The following CNOT2 variants were observed in gnomAD, a reference collection of about 807,000 sequenced individuals.
The protein encoded by CNOT2 is CCR4-NOT transcription complex subunit 2.
A neutral mutation model predicts 72.1 loss-of-function variants in CNOT2; 7 were observed. The ratio of observed to expected loss-of-function variants is 0.10; its 90% CI spans 0.06 to 0.18. CNOT2 has a LOEUF of 0.18. CNOT2 is among the 10% of genes least tolerant of loss of function. The pLI, the probability that CNOT2 is intolerant of heterozygous loss-of-function variation, is 1.00. For synonymous variants in CNOT2, 196 were observed against 225.6 expected (o/e 0.87, Z 1.17); for missense variants, 345 against 660.3 (o/e 0.52, Z 5.23).
intron 2 of CNOT2, among the ~76,000 whole-genome samples, chr12:70,291,008 G>GA (rs996292979): frequency 7.2e-5 from 11 of 152,084 alleles, no homozygotes; most frequent in African/African-American, 2.7e-4. Context: ...CATTTAGAAT[G>GA]AAAAATAAAA....
chr12:70,313,007 A>T (rs1313484231), intron 3 of CNOT2, among the ~76,000 whole-genome samples: 1 of 152,032 alleles, frequency 6.6e-6, no homozygotes, highest in Admixed American at 6.6e-5. Context: ...CATATTTTCC[A>T]TCAAAAAGTT....
chr12:70,245,520 T>G lies in CNOT2; in HGVS notation c.-96+2040T>G, dbSNP rs561917600. ...TTTTTCTAAGTATACAATGTAGAGATATCTGTAACCTAATCTGATCTCAGG... is the reference window on the plus strand; with the variant it reads ...TTTTTCTAAGTATACAATGTAGAGAGATCTGTAACCTAATCTGATCTCAGG... On this transcript the variant is annotated intron_variant, in intron 1 of 15. Transcript: ENST00000229195. Among the ~76,000 whole-genome samples the G allele has an allele frequency of 1.5e-3, 221 of 152,310 alleles. 1 individual carries two copies. The highest frequency in any genetic ancestry group is 5.1e-3 in the African/African-American group (211 of 41,586).
chr12:70,333,270 A>G (rs1880213535), intron 7 of CNOT2, among the ~76,000 whole-genome samples: 1 of 151,928 alleles, frequency 6.6e-6, no homozygotes, highest in Non-Finnish European at 1.5e-5. Context: ...TGTATGGAAC[A>G]CTTACGTTTT....
intron 4 of CNOT2, among the ~76,000 whole-genome samples, chr12:70,320,090 A>G (rs1878040388): frequency 6.6e-6 from 1 of 151,676 alleles, no homozygotes; most frequent in Non-Finnish European, 1.5e-5. Flanking sequence ...TGATTTTATC[A>G]TCTCTGTTAA....
chr12:70,280,022 G>A (rs1247102579), intron 2 of CNOT2, among the ~76,000 whole-genome samples: 1 of 152,038 alleles, frequency 6.6e-6, no homozygotes, highest in African/African-American at 2.4e-5. Context: ...TATTTATGGG[G>A]TACATGTGGT....
At chr12:70,296,765 C>CCG (rs1872874044) in intron 2 of CNOT2, among the ~76,000 whole-genome samples, 1 of 148,622 alleles carries the variant, frequency 6.7e-6, no homozygotes, top group Admixed American at 6.8e-5. Flanking sequence ...AAGCCCCCCC[C>CCG]CCTTTTTAAA....
At chr12:70,261,595 C>T (rs1419826500) in intron 1 of CNOT2, among the ~76,000 whole-genome samples, 4 of 151,854 alleles carry the variant, frequency 2.6e-5, no homozygotes, top group African/African-American at 4.8e-5. Context: ...GGATTACAGG[C>T]GTGAGCTACC....
At chr12:70,329,178 A>G (rs1237335477) in intron 4 of CNOT2, among the ~76,000 whole-genome samples, 1 of 152,036 alleles carries the variant, frequency 6.6e-6, no homozygotes, top group Non-Finnish European at 1.5e-5. Flanking sequence ...TACATACTTC[A>G]TAATGAAATT....
chr12:70,258,279 C>A (rs1306681319), intron 1 of CNOT2, among the ~76,000 whole-genome samples: 1 of 152,096 alleles, frequency 6.6e-6, no homozygotes, highest in Non-Finnish European at 1.5e-5. Flanking sequence ...CAAAACTGAT[C>A]TCCAAGGGGT....
chr12:70,257,096 A>C (rs1332495678), intron 1 of CNOT2, among the ~76,000 whole-genome samples: 2 of 152,142 alleles, frequency 1.3e-5, no homozygotes, highest in Non-Finnish European at 2.9e-5. Flanking sequence ...TTGTTTGTAC[A>C]TTTATTTCTT....
chr12:70,278,941 A>T (rs1196023795), intron 2 of CNOT2, among the ~76,000 whole-genome samples: 5 of 152,234 alleles, frequency 3.3e-5, no homozygotes, highest in Non-Finnish European at 5.9e-5. Flanking sequence ...ATTTAAAGAA[A>T]ACCAACATAT....
At chr12:70,330,711 G>C (rs1879802343) in intron 6 of CNOT2, 1 of 386,332 alleles carries the variant, frequency 2.6e-6, no homozygotes. Context: ...GATTGTTCTT[G>C]GATTCGCCAC....
chr12:70,322,946 G>A (rs1878521911), intron 4 of CNOT2: 1 of 151,750 alleles, frequency 6.6e-6, no homozygotes, highest in East Asian at 1.9e-4. Flanking sequence ...GGGGAAGATA[G>A]GACATATTTA....
At chr12:70,300,224 T>A (rs1357161089) in intron 2 of CNOT2, among the ~76,000 whole-genome samples, 1 of 152,202 alleles carries the variant, frequency 6.6e-6, no homozygotes, top group Non-Finnish European at 1.5e-5. Flanking sequence ...TTTAGTTTAA[T>A]TAGATCCCAT....
chr12:70,248,086 G>A (rs746096444), intron 1 of CNOT2, among the ~76,000 whole-genome samples: 4 of 152,094 alleles, frequency 2.6e-5, no homozygotes, highest in Non-Finnish European at 5.9e-5. Context: ...TGCATTTCTC[G>A]CTGTATTTTG....
intron 1 of CNOT2, among the ~76,000 whole-genome samples, chr12:70,257,101 T>C (rs1287620918): frequency 1.3e-5 from 2 of 152,232 alleles, no homozygotes; most frequent in Admixed American, 1.3e-4. Context: ...TGTACATTTA[T>C]TTCTTTAGAA....
chr12:70,313,796 C>G (rs1190381432), intron 3 of CNOT2, among the ~76,000 whole-genome samples: 1 of 152,046 alleles, frequency 6.6e-6, no homozygotes, highest in Non-Finnish European at 1.5e-5. Context: ...CTGGATTTGT[C>G]CTGCAGGAAA....
chr12:70,320,510 A>G (rs1418406942), intron 4 of CNOT2, among the ~76,000 whole-genome samples: 4 of 151,742 alleles, frequency 2.6e-5, no homozygotes, highest in African/African-American at 9.7e-5. Context: ...AGTTTCTCCA[A>G]TTAAACCAAG....
chr12:70,251,974 G>T (rs1958160982), intron 1 of CNOT2, among the ~76,000 whole-genome samples: 1 of 152,046 alleles, frequency 6.6e-6, no homozygotes, highest in Non-Finnish European at 1.5e-5. Context: ...CCCTACATAG[G>T]TGCTGATATT....
Sources: gnomAD v4.1 joint callset for allele counts (sites outside exome capture counted in the v4.1 genomes callset) on GRCh38, gnomAD v4.1.1 for gene constraint, MANE v1.5 for transcripts, NCBI Gene and HGNC (gene_info 2026-07-23, HGNC 2026-07-21) for gene names.